PIK3C2G: variants seen among roughly 807,000 people sequenced by gnomAD.
PIK3C2G encodes the protein phosphatidylinositol-4-phosphate 3-kinase catalytic subunit type 2 gamma, also known as phosphatidylinositol 3-kinase C2 domain-containing subunit gamma.
PIK3C2G carries 168 observed loss-of-function variants against 181.1 expected under a neutral mutation model. The observed-to-expected ratio is 0.93, with a 90% CI of 0.82 to 1.05. PIK3C2G has a LOEUF of 1.05. Among genes scored for constraint, PIK3C2G ranks in the 50% least tolerant of loss-of-function variants. The pLI is 0.00. For synonymous variants in PIK3C2G, 573 were observed against 592.2 expected (o/e 0.97, Z 0.47); for missense variants, 1,869 against 1,732.8 (o/e 1.08, Z -1.40).
intron 18 of PIK3C2G, among the ~76,000 whole-genome samples, chr12:18,475,373 AACACACACACACAC>A (rs57853875): frequency 2.9e-5 from 4 of 139,834 alleles, no homozygotes; most frequent in South Asian, 4.9e-4. Flanking sequence ...CCACCACCCC[AACACACACACACAC>A]ACACACACAC....
In PIK3C2G at chr12:18,315,323, G is replaced by GA. The variant is rs764972374; in HGVS notation, c.1137+1267dup. Among the ~76,000 whole-genome samples, 3 of 150,886 alleles carry GA rather than the reference G, an allele frequency of 2.0e-5. No homozygotes were observed. The East Asian group carries it at 5.8e-4, about 29-fold the overall frequency. On this transcript the variant is annotated intron_variant, in intron 6 of 32. Coordinates refer to ENST00000538779, the MANE Select transcript of PIK3C2G (RefSeq NM_001288772.2). ...AAGGCTATACATCTGAAATCTCCAG[G>GA]AAAAAAAATGTTATAAAGTGCAACT...
At chr12:18,392,345 G>C (rs4763499) in intron 15 of PIK3C2G, among the ~76,000 whole-genome samples, 1 of 151,936 alleles carries the variant, frequency 6.6e-6, no homozygotes, top group Non-Finnish European at 1.5e-5. Flanking sequence ...CACTGAGTGC[G>C]ATCAGGAGTT....
rs1277680301 is a variant in PIK3C2G at position 18,288,281 on chromosome 12, C to A, written c.761+1352C>A. On this transcript the variant is annotated intron_variant, in intron 3 of 32. Coordinates refer to ENST00000538779, the MANE Select transcript of PIK3C2G (RefSeq NM_001288772.2). ...CATTTTTATAAGCTTTCAGTTTCTA[C>A]CAAATGATTATTTGAAATAAAATGT... Among the ~76,000 whole-genome samples, 3 of 152,096 alleles carry A rather than the reference C, an allele frequency of 2.0e-5. No homozygotes were observed. In the South Asian group the frequency reaches 6.2e-4, roughly 32 times the overall value.
At chr12:18,603,769 C>A (rs1947858987) in intron 30 of PIK3C2G, among the ~76,000 whole-genome samples, 1 of 152,126 alleles carries the variant, frequency 6.6e-6, no homozygotes, top group Non-Finnish European at 1.5e-5. Context: ...TCCAGCGAAA[C>A]TAAGCATCAT....
At chr12:18,552,459 T>G (rs1944784198) in intron 26 of PIK3C2G, among the ~76,000 whole-genome samples, 1 of 152,110 alleles carries the variant, frequency 6.6e-6, no homozygotes, top group African/African-American at 2.4e-5. Context: ...AGAGCCAATG[T>G]TTTCCTTTGT....
chr12:18,405,831 T>C (rs1273361515), intron 16 of PIK3C2G, among the ~76,000 whole-genome samples: 2 of 152,156 alleles, frequency 1.3e-5, no homozygotes. Context: ...TGTAGAAAGA[T>C]TAAATAAAGC....
At chr12:18,375,919 G>A (rs1443659503) in intron 13 of PIK3C2G, among the ~76,000 whole-genome samples, 1 of 152,214 alleles carries the variant, frequency 6.6e-6, no homozygotes, top group Non-Finnish European at 1.5e-5. Context: ...CTTCCACAAG[G>A]TGTTAAGCCT....
At chr12:18,650,195 T>G (rs115081306), downstream of PIK3C2G, among the ~76,000 whole-genome samples, 801 of 151,896 alleles carry the variant, frequency 5.3e-3, 9 homozygotes, top group African/African-American at 0.019. Flanking sequence ...AGGGTTCTTT[T>G]CCCCCAGACC....
At chr12:18,716,853 A>T in the PIK3C2G span, among the ~76,000 whole-genome samples, 1 of 152,210 alleles carries the variant, frequency 6.6e-6, no homozygotes, top group African/African-American at 2.4e-5. Context: ...ATAAAAATAA[A>T]TTTAAGAATC....
chr12:18,476,893 T>C (rs1011275233), intron 18 of PIK3C2G, among the ~76,000 whole-genome samples: 1 of 151,560 alleles, frequency 6.6e-6, no homozygotes, highest in African/African-American at 2.4e-5. Context: ...GAGTTCTAAG[T>C]TGGAAACTGT....
intron 18 of PIK3C2G, among the ~76,000 whole-genome samples, chr12:18,469,258 TGAAAA>T (rs1352545387): frequency 6.6e-6 from 1 of 152,110 alleles, no homozygotes; most frequent in Non-Finnish European, 1.5e-5. Flanking sequence ...GACCCATTTC[TGAAAA>T]GGAGGCTTTT....
intron 7 of PIK3C2G, among the ~76,000 whole-genome samples, chr12:18,324,010 G>A (rs1184375357): frequency 1.3e-5 from 2 of 151,926 alleles, no homozygotes; most frequent in Admixed American, 6.6e-5. Flanking sequence ...CATGAGGTCA[G>A]GAGATCGAGA....
At position 18,381,810 on chromosome 12, in the gene PIK3C2G, G is replaced by A; in HGVS notation, c.1925G>A (p.Ser642Asn). 1 of 1,613,802 alleles carries A rather than the reference G, an allele frequency of 6.2e-7. No individual in the cohort carries two copies. Among genetic ancestry groups the A allele is most frequent in the Non-Finnish European group, 8.5e-7 (1 of 1,179,708 alleles). ...ATGCTGTTCAGCATGACATTACAGA[G>A]TGAGCCTCCCGTAGAAATGATAACT... ...GSMLFSMTLQSEPPVEMITPG... is the reference protein window; with the variant it reads ...GSMLFSMTLQNEPPVEMITPG... Residue 642 changes from serine (S) to asparagine (N), a missense_variant, in exon 14 of 33, where the codon AGT (serine) becomes AAT (asparagine). Physicochemically the swap from Ser to Asn is conservative, Grantham distance 46. Coordinates refer to ENST00000538779, the MANE Select transcript of PIK3C2G (RefSeq NM_001288772.2).
intron 30 of PIK3C2G, among the ~76,000 whole-genome samples, chr12:18,605,668 G>A (rs1947977782): frequency 1.3e-5 from 2 of 152,036 alleles, no homozygotes; most frequent in Non-Finnish European, 2.9e-5. Flanking sequence ...GACTATAAAT[G>A]GTTAATCTAA....
chr12:18,650,694 GTGTGTGTGTGTATATATCTATATATATA>G (rs1950428952), downstream of PIK3C2G, among the ~76,000 whole-genome samples: 6 of 38,858 alleles, frequency 1.5e-4, no homozygotes, highest in East Asian at 2.1e-3. Context: ...GTGTGTGTGT[GTGTGTGTGTGTATATATCTATATATATA>G]TATATATATA....
intron 16 of PIK3C2G, among the ~76,000 whole-genome samples, chr12:18,416,522 C>T (rs1945190120): frequency 6.6e-6 from 1 of 152,180 alleles, no homozygotes; most frequent in Non-Finnish European, 1.5e-5. Flanking sequence ...AGCTGACTCT[C>T]TTGTTAGGAC....
chr12:18,365,010 A>T (rs1399558246), intron 12 of PIK3C2G, among the ~76,000 whole-genome samples: 1 of 152,180 alleles, frequency 6.6e-6, no homozygotes, highest in Non-Finnish European at 1.5e-5. Context: ...CAACTCACAC[A>T]CTTATGCCAT....
At chr12:18,440,454 G>T (rs772340442) in intron 18 of PIK3C2G, among the ~76,000 whole-genome samples, 1 of 152,222 alleles carries the variant, frequency 6.6e-6, no homozygotes, top group Non-Finnish European at 1.5e-5. Context: ...AACATAAAAA[G>T]TACAAGGGTC....
chr12:18,679,685 C>T, the PIK3C2G span, among the ~76,000 whole-genome samples: 4 of 152,010 alleles, frequency 2.6e-5, no homozygotes, highest in South Asian at 2.1e-4. Context: ...CCCTGGCTAA[C>T]GTTGCAGATA....
Sources: allele counts gnomAD v4.1 joint callset (sites outside exome capture counted in the v4.1 genomes callset), GRCh38; gene constraint gnomAD v4.1.1; transcripts MANE v1.5; gene names NCBI Gene and HGNC (gene_info 2026-07-23, HGNC 2026-07-21).